The following IGF1R variants were observed in gnomAD, a reference collection of about 807,000 sequenced individuals.
The protein encoded by IGF1R is insulin-like growth factor 1 receptor.
IGF1R carries 44 observed loss-of-function variants against 144.6 expected under a neutral mutation model. That is an observed-to-expected ratio of 0.30 (90% CI 0.24 to 0.39). IGF1R has a LOEUF of 0.39. Among genes scored for constraint, IGF1R ranks in the 10% least tolerant of loss-of-function variants. The pLI is 1.00. For synonymous variants in IGF1R, 795 were observed against 722.8 expected (o/e 1.10, Z -1.60); for missense variants, 1,355 against 1,833.7 (o/e 0.74, Z 4.77).
intron 2 of IGF1R, among the ~76,000 whole-genome samples, chr15:98,720,726 T>C (rs2141280237): frequency 6.6e-6 from 1 of 152,364 alleles, no homozygotes; most frequent in Admixed American, 6.5e-5. Context: ...ATCTTTGAAG[T>C]GACTTTCTCT....
intron 2 of IGF1R, among the ~76,000 whole-genome samples, chr15:98,726,705 A>G (rs2054369328): frequency 7.1e-6 from 1 of 140,344 alleles, no homozygotes; most frequent in Admixed American, 7.1e-5. Flanking sequence ...TCATTTTTAC[A>G]TTGATGATTT....
chr15:98,807,462 TTTCTTCAGC>T (rs1165802668), intron 2 of IGF1R, among the ~76,000 whole-genome samples: 2 of 152,230 alleles, frequency 1.3e-5, no homozygotes, highest in African/African-American at 4.8e-5. Flanking sequence ...ACGTTTTGGT[TTTCTTCAGC>T]TTGTTTGAGT....
intron 2 of IGF1R, among the ~76,000 whole-genome samples, chr15:98,754,285 G>A (rs2055093274): frequency 6.6e-6 from 1 of 152,080 alleles, no homozygotes; most frequent in South Asian, 2.1e-4. Flanking sequence ...TTTCTGTCTT[G>A]GAGGGGAACC....
intron 2 of IGF1R, among the ~76,000 whole-genome samples, chr15:98,875,349 C>CTTTTTTTTTTTTT (rs34303390): frequency 6.9e-5 from 9 of 130,194 alleles, no homozygotes; most frequent in Non-Finnish European, 1.3e-4. Context: ...CTTTTCTTTT[C>CTTTTTTTTTTTTT]TTTTTTTTTT....
chr15:98,936,667 T>G (rs1474700578), intron 17 of IGF1R, among the ~76,000 whole-genome samples: 1 of 151,900 alleles, frequency 6.6e-6, no homozygotes, highest in Non-Finnish European at 1.5e-5. Flanking sequence ...ATCTCCCAAG[T>G]GACAGTTTCT....
chr15:98,700,909 G>T (rs760664347), intron 1 of IGF1R, among the ~76,000 whole-genome samples: 1 of 151,740 alleles, frequency 6.6e-6, no homozygotes, highest in South Asian at 2.1e-4. Context: ...TGTCTATTGC[G>T]CTATTAAAAC....
chr15:98,738,100 A>G (rs1567103125), intron 2 of IGF1R, among the ~76,000 whole-genome samples: 1 of 152,222 alleles, frequency 6.6e-6, no homozygotes, highest in Non-Finnish European at 1.5e-5. Flanking sequence ...TTAAAATCCT[A>G]TGACAGATGG....
At chr15:98,687,201 T>G (rs1295876504) in intron 1 of IGF1R, among the ~76,000 whole-genome samples, 1 of 152,178 alleles carries the variant, frequency 6.6e-6, no homozygotes, top group Admixed American at 6.5e-5. Flanking sequence ...GTAAATACAG[T>G]GCAGTTCCAG....
intron 2 of IGF1R, among the ~76,000 whole-genome samples, chr15:98,744,444 G>C (rs2054817118): frequency 6.6e-6 from 1 of 152,130 alleles, no homozygotes; most frequent in Non-Finnish European, 1.5e-5. Flanking sequence ...CTCTGGAGAG[G>C]GAGGAATACT....
intron 19 of IGF1R, 57 bp downstream of exon 19, chr15:98,943,109 C>A: frequency 6.3e-7 from 1 of 1,591,586 alleles, no homozygotes. Context: ...GCACTTTCCA[C>A]CAGCTCAGTC....
chr15:98,657,923 C>G (rs2052522060), intron 1 of IGF1R, among the ~76,000 whole-genome samples: 1 of 152,156 alleles, frequency 6.6e-6, no homozygotes, highest in Non-Finnish European at 1.5e-5. Context: ...CCAGCCTGGT[C>G]CAGTGCAGAC....
intron 5 of IGF1R, among the ~76,000 whole-genome samples, chr15:98,899,859 G>T (rs186525227): frequency 5.9e-5 from 9 of 152,312 alleles, no homozygotes; most frequent in Non-Finnish European, 8.8e-5. Context: ...TGCCTCATCA[G>T]TCAAGGGTTG....
rs2017303600 is a variant in IGF1R, at chr15:98,963,374, TGTATCTTCA to T, written c.*5940_*5948del. The T allele has an allele frequency of 8.6e-6, 2 of 233,526 alleles. No homozygotes were observed. The highest frequency in any genetic ancestry group is 1.2e-4 in the East Asian group (2 of 16,598). The allele number at this position is 233,526 out of a possible 1,614,324, so 14.5% of individuals were successfully genotyped here. ...ATGATGATGATTTAAAAAGTAGTTCTGTATCTTCAGTATCTTGGTCTTCCAGAACCCTCT... is the reference window on the plus strand; with the variant it reads ...ATGATGATGATTTAAAAAGTAGTTCTGTATCTTGGTCTTCCAGAACCCTCT... On this transcript the variant is annotated 3_prime_UTR_variant, in exon 21 of 21. Coordinates refer to ENST00000650285, the MANE Select transcript of IGF1R (RefSeq NM_000875.5).
At chr15:98,953,798 G>C (rs538466716) in intron 20 of IGF1R, among the ~76,000 whole-genome samples, 32 of 152,292 alleles carry the variant, frequency 2.1e-4, no homozygotes, top group Non-Finnish European at 3.8e-4. Context: ...GTTTTTTGTA[G>C]TTTTCCAGTA....
At position 98,891,292 on chromosome 15, in the gene IGF1R, G is replaced by A. The variant is rs778346176; in HGVS notation, c.641-33G>A. The A allele has an allele frequency of 1.0e-5, 16 of 1,598,016 alleles. No homozygotes were observed. Among genetic ancestry groups the A allele is most frequent in the East Asian group, 2.2e-5 (1 of 44,774 alleles). ...AGAGAAGGCGGTGCCTCCCCTGCCC[G>A]GTCTCATCTCCGTCTCTCCTCTCTC... On this transcript the variant is annotated intron_variant, in intron 2 of 20. Transcript: ENST00000650285. This position sits in a 1 kb window ranked among gnomAD's most constrained non-coding sequence, Gnocchi z 4.7.
At chr15:98,753,237 T>C (rs1300704466) in intron 2 of IGF1R, among the ~76,000 whole-genome samples, 4 of 151,146 alleles carry the variant, frequency 2.6e-5, no homozygotes, top group Non-Finnish European at 5.9e-5. Flanking sequence ...AGCCTTTTTT[T>C]TTTTTTAAAT....
intron 14 of IGF1R, among the ~76,000 whole-genome samples, 160 bp from the exon 15 acceptor site, chr15:98,930,075 G>A (rs1468111998): frequency 6.6e-6 from 1 of 152,244 alleles, no homozygotes; most frequent in African/African-American, 2.4e-5. Flanking sequence ...GGCCTGAATT[G>A]GGAGTGTAGA....
chr15:98,686,054 C>T (rs2053320288), intron 1 of IGF1R, among the ~76,000 whole-genome samples: 1 of 152,144 alleles, frequency 6.6e-6, no homozygotes, highest in Admixed American at 6.5e-5. Flanking sequence ...CCTTTTTCCC[C>T]AAGTCTTTGG....
intron 4 of IGF1R, 79 bp from the exon 5 acceptor site, chr15:98,899,398 C>G: frequency 1.4e-6 from 2 of 1,456,894 alleles, no homozygotes; most frequent in Non-Finnish European, 1.9e-6. Flanking sequence ...GAATTGTTCT[C>G]ACTTGTGTTT....
Sources: gnomAD v4.1 joint callset for allele counts (sites outside exome capture counted in the v4.1 genomes callset) on GRCh38, gnomAD v4.1.1 for gene constraint, Gnocchi (gnomAD v3.1) non-coding constraint, MANE v1.5 for transcripts, NCBI Gene and HGNC (gene_info 2026-07-23, HGNC 2026-07-21) for gene names.